SMG1: variants seen among roughly 807,000 people sequenced by gnomAD.
SMG1 encodes SMG1 nonsense mediated mRNA decay associated PI3K related kinase, also known as serine/threonine-protein kinase SMG1.
SMG1 carries 22 observed loss-of-function variants against 419.9 expected under a neutral mutation model. That is an observed-to-expected ratio of 0.05 (90% CI 0.04 to 0.07). SMG1 has a LOEUF of 0.07. Among genes scored for constraint, SMG1 ranks in the 10% least tolerant of loss-of-function variants. SMG1 has a pLI of 1.00. For synonymous variants in SMG1, 1,538 were observed against 1,553.5 expected (o/e 0.99, Z 0.23); for missense variants, 3,185 against 4,342.0 (o/e 0.73, Z 7.49).
At chr16:18,821,213 G>C (rs1596469404) in intron 55 of SMG1, among the ~76,000 whole-genome samples, 1 of 77,366 alleles carries the variant, frequency 1.3e-5, no homozygotes, top group South Asian at 4.7e-4. Context: ...GAGATATTTA[G>C]TATGTTTCTT....
In SMG1 at chr16:18,900,136, C is replaced by A. The variant is rs567224206; in HGVS notation, c.93-3180G>T. On this transcript the variant is annotated intron_variant, in intron 1 of 62. Coordinates refer to ENST00000446231, the MANE Select transcript of SMG1 (RefSeq NM_015092.5). ...GCAAATATCATTCATGAGTTAGGTG[C>A]CTTTAGTTGAACTATGGTCCCATTA... The A allele has an allele frequency of 1.1e-4, 72 of 669,104 alleles. 1 individual carries two copies. The South Asian group carries it at 1.3e-3, about 12-fold the overall frequency. 41.4% of individuals were successfully genotyped at this position (669,104 alleles called of 1,614,324 possible).
chr16:18,881,605 T>C (rs2036400435), intron 10 of SMG1, among the ~76,000 whole-genome samples: 1 of 152,200 alleles, frequency 6.6e-6, no homozygotes, highest in African/African-American at 2.4e-5. Context: ...CTGGGGTTCA[T>C]TTCTTGTGTC....
In SMG1 at chr16:18,868,564, C is replaced by T. The variant is rs1231073997; in HGVS notation, c.2989G>A (p.Ala997Thr). 6.3e-7 allele frequency: 1 copy of T among 1,596,262 alleles called. No homozygotes were observed. The highest frequency in any genetic ancestry group is 1.1e-5 in the South Asian group (1 of 90,952). The part of the protein sequence containing the change: ...LENLEKLMYN[A>T]YEGCANALTS... ...AATGCATTAGCACATCCCTCGTATG[C>T]ATTATACATTAATTTCTCCAGATTT... The change falls in exon 21 of 63, where the codon GCA becomes ACA. Residue 997 changes from alanine (A) to threonine (T), a missense_variant. Around this residue, in one of 27 missense-constraint regions of SMG1, gnomAD observed 70 missense variants for 185.7 expected, o/e 0.38. Transcript: ENST00000446231.
intron 5 of SMG1, among the ~76,000 whole-genome samples, chr16:18,890,473 C>T (rs547192184): frequency 6.6e-6 from 1 of 152,088 alleles, no homozygotes; most frequent in East Asian, 1.9e-4. Flanking sequence ...CTGCAAGCTC[C>T]GCCTTGTCTC....
At chr16:18,836,648 G>A (rs2033592190) in intron 46 of SMG1, 116 bp from the exon 47 acceptor site, 1 of 1,034,136 alleles carries the variant, frequency 9.7e-7, no homozygotes, top group Admixed American at 2.4e-5. Context: ...TGTTCACCTT[G>A]AGGGCCCTCC....
intron 39 of SMG1, among the ~76,000 whole-genome samples, 153 bp downstream of exon 39, chr16:18,845,276 T>C (rs536771378): frequency 6.6e-6 from 1 of 152,194 alleles, no homozygotes; most frequent in Non-Finnish European, 1.5e-5. Flanking sequence ...AACACTTTTT[T>C]CTATGTTCCT....
At position 18,868,688 on chromosome 16, in the gene SMG1, T is replaced by C. The variant is rs1473727836; in HGVS notation, c.2865A>G (p.Leu955=). 7 of 1,464,526 alleles carry C rather than the reference T, an allele frequency of 4.8e-6. No individual in the cohort carries two copies. The East Asian group carries it at 1.6e-4, about 33-fold the overall frequency. 90.7% of individuals were successfully genotyped at this position (1,464,526 alleles called of 1,614,324 possible). A position where few individuals can be genotyped will look rare whatever the true frequency, so the allele number is the denominator to read the frequency against. ...GIIRSLAAHT[L]NPDQDVSQWT... ...ACTGACTAACATCCTGATCAGGGTT[T>C]AATGTGTGAGCTGCGAGACTTCGAA... Residue 955 remains leucine, a synonymous_variant, in exon 21 of 63, where the codon TTA becomes TTG. Coordinates refer to ENST00000446231, the MANE Select transcript of SMG1 (RefSeq NM_015092.5).
In SMG1 at chr16:18,820,169, T is replaced by A. The variant is rs186469954; in HGVS notation, c.9742-515A>T. ...TTAGTAAAGACGGAGTTTTACCATC[T>A]TGGCCAGGCTGGTCTTGAACTCCTG... On this transcript the variant is annotated intron_variant, in intron 55 of 62. Transcript: ENST00000446231. Among the ~76,000 whole-genome samples, 516 of 152,236 alleles carry A rather than the reference T, an allele frequency of 3.4e-3. 2 individuals carry two copies. The highest frequency in any genetic ancestry group is 5.9e-3 in the Non-Finnish European group (401 of 67,996).
At chr16:18,913,076 T>C (rs2037850058) in intron 1 of SMG1, among the ~76,000 whole-genome samples, 2 of 152,130 alleles carry the variant, frequency 1.3e-5, no homozygotes, top group African/African-American at 4.8e-5. Flanking sequence ...AAGGGTCTCA[T>C]TATACAAAGA....
In SMG1 at chr16:18,807,928, T is replaced by A. The variant is rs1255100470; in HGVS notation, c.*1641A>T. On this transcript the variant is annotated 3_prime_UTR_variant, in exon 63 of 63. Transcript: ENST00000446231. ...GCGCCCGCCACCACGCCCGGCTAAT[T>A]TTTTTTGTATTTTTAGTAAAGACGG... 1 of 152,112 alleles carries A rather than the reference T, an allele frequency of 6.6e-6. No homozygotes were observed. The highest frequency in any genetic ancestry group is 2.4e-5 in the African/African-American group (1 of 41,368). 9.4% of individuals were successfully genotyped at this position (152,112 alleles called of 1,614,324 possible). A position where few individuals can be genotyped will look rare whatever the true frequency, so the allele number is the denominator to read the frequency against.
At chr16:18,839,414 G>A (rs1023994980) in intron 42 of SMG1, among the ~76,000 whole-genome samples, 2 of 151,938 alleles carry the variant, frequency 1.3e-5, no homozygotes, top group Non-Finnish European at 2.9e-5. Context: ...TCAATGTTTA[G>A]CTCCCACTTA....
chr16:18,866,600 A>C (rs768107033), intron 23 of SMG1, 21 bp downstream of exon 23: 1 of 1,572,596 alleles, frequency 6.4e-7, no homozygotes, highest in Non-Finnish European at 8.6e-7. Flanking sequence ...TCTATCACCC[A>C]TTTCCTTCCC....
intron 45 of SMG1, 138 bp from the exon 46 acceptor site, chr16:18,837,581 A>G (rs1385844114): frequency 2.9e-6 from 2 of 684,806 alleles, no homozygotes; most frequent in African/African-American, 3.6e-5. Flanking sequence ...CCACTGTACA[A>G]AAACAACTAA....
chr16:18,895,913 G>C, intron 3 of SMG1, 139 bp downstream of exon 3: 1 of 849,158 alleles, frequency 1.2e-6, no homozygotes, highest in Non-Finnish European at 1.9e-6. Flanking sequence ...AGTGGGAAAT[G>C]AATGTAAACA....
At chr16:18,845,706 C>T in intron 38 of SMG1, 55 bp from the exon 39 acceptor site, 1 of 1,304,772 alleles carries the variant, frequency 7.7e-7, no homozygotes, top group Non-Finnish European at 1.1e-6. Flanking sequence ...TAAAGTTTTA[C>T]ACAAACATGC....
rs750383369 is a variant in SMG1, at chr16:18,896,252, T to C, written c.257-45A>G. The C allele has an allele frequency of 5.5e-6, 7 of 1,272,336 alleles. No homozygotes were observed. In the East Asian group the frequency reaches 1.6e-4, roughly 29 times the overall value. 78.8% of individuals were successfully genotyped at this position (1,272,336 alleles called of 1,614,324 possible). A position where few individuals can be genotyped will look rare whatever the true frequency, so the allele number is the denominator to read the frequency against. On this transcript the variant is annotated intron_variant, in intron 2 of 62. Coordinates refer to ENST00000446231, the MANE Select transcript of SMG1 (RefSeq NM_015092.5). ...CGTTATTTAAATATGATTGTTCGTT[T>C]CATTCAGTCAATTTCCTGATAGCTC...
chr16:18,820,453 C>T (rs1292575340), intron 55 of SMG1, among the ~76,000 whole-genome samples: 2 of 152,180 alleles, frequency 1.3e-5, no homozygotes, highest in African/African-American at 4.8e-5. Flanking sequence ...ATCCACCCAC[C>T]TCGGCCTCCC....
intron 22 of SMG1, 70 bp downstream of exon 22, chr16:18,868,120 A>G (rs1177660892): frequency 1.0e-5 from 13 of 1,258,932 alleles, no homozygotes; most frequent in Non-Finnish European, 1.3e-5. Context: ...AGATTAAATC[A>G]TACCAAAGGA....
chr16:18,852,334 C>T lies in SMG1; in HGVS notation c.4897G>A (p.Val1633Met). The T allele has an allele frequency of 6.2e-7, 1 of 1,612,656 alleles. No individual in the cohort carries two copies. The highest frequency in any genetic ancestry group is 8.5e-7 in the Non-Finnish European group (1 of 1,179,470). The part of the protein sequence containing the change: ...ASWAYRWGRK[V>M]VDNASQGEGV... ...TAAACATACCTGGCATTGTCAACCA[C>T]CTTTCTGCCCCACCTATAAGCCCAG... The change falls in exon 32 of 63, where the codon GTG becomes ATG. Residue 1633 changes from valine to methionine, a missense_variant. Val to Met is a conservative substitution (Grantham distance 21). Transcript: ENST00000446231.
Sources: gnomAD v4.1 joint callset for allele counts (sites outside exome capture counted in the v4.1 genomes callset) on GRCh38, gnomAD v4.1.1 for gene constraint, gnomAD v4.1.1 regional missense constraint, MANE v1.5 for transcripts, NCBI Gene and HGNC (gene_info 2026-07-23, HGNC 2026-07-21) for gene names.